NOL10: variants seen among roughly 807,000 people sequenced by gnomAD.
NOL10 encodes nucleolar protein 10, also known as H_NH0074G24.1.
In NOL10, 58 loss-of-function variants were observed where a neutral mutation model predicts 103.5. The ratio of observed to expected loss-of-function variants is 0.56; its 90% CI spans 0.45 to 0.70. The LOEUF (loss-of-function observed/expected upper bound fraction) is 0.70, where lower values mean the gene tolerates loss of function less well. Ranked by LOEUF, NOL10 falls within the 30% of genes least tolerant of loss-of-function variation. The pLI, the probability that NOL10 is intolerant of heterozygous loss-of-function variation, is 0.00. For missense variants in NOL10, 763 were observed against 807.3 expected, an observed-to-expected ratio of 0.95 and a Z score of 0.67; for synonymous variants, 287 against 282.5, an observed-to-expected ratio of 1.02 and a Z score of -0.16.
chr2:10,661,905 T>C (rs1680232551), intron 9 of NOL10, among the ~76,000 whole-genome samples: 1 of 149,210 alleles, frequency 6.7e-6, no homozygotes, highest in Non-Finnish European at 1.5e-5. Flanking sequence ...TAAAAGCAAA[T>C]CGGAAAAAAA....
intron 16 of NOL10, among the ~76,000 whole-genome samples, chr2:10,602,278 C>T (rs1407132516): frequency 6.6e-6 from 1 of 152,220 alleles, no homozygotes; most frequent in Non-Finnish European, 1.5e-5. Context: ...GTTTACCTCT[C>T]TCCTCCATCC....
intron 1 of NOL10, 93 bp downstream of exon 1, chr2:10,689,703 A>C (rs1453138531): frequency 3.1e-6 from 4 of 1,307,306 alleles, no homozygotes; most frequent in Non-Finnish European, 4.3e-6. Context: ...CGTCCAGCTA[A>C]AACAGAGGCT....
intron 3 of NOL10, 106 bp from the exon 4 acceptor site, chr2:10,675,977 T>C (rs1437631003): frequency 1.9e-6 from 1 of 526,564 alleles, no homozygotes; most frequent in African/African-American, 1.9e-5. Flanking sequence ...GGATTAATTG[T>C]AACCAAATCA....
At chr2:10,619,896 A>G (rs1002278241) in intron 13 of NOL10, among the ~76,000 whole-genome samples, 4 of 152,198 alleles carry the variant, frequency 2.6e-5, no homozygotes, top group Non-Finnish European at 5.9e-5. Flanking sequence ...AGACTTTGCA[A>G]TAACAATGAC....
chr2:10,610,332 C>T (rs1676501596), intron 13 of NOL10, among the ~76,000 whole-genome samples: 1 of 152,200 alleles, frequency 6.6e-6, no homozygotes, highest in Admixed American at 6.5e-5. Context: ...TTATAATGTT[C>T]CACAACATTC....
chr2:10,573,839 G>A (rs1241535528), intron 20 of NOL10, among the ~76,000 whole-genome samples: 1 of 152,124 alleles, frequency 6.6e-6, no homozygotes, highest in Non-Finnish European at 1.5e-5. Context: ...CCGTCTCAAA[G>A]GGTCCCACCC....
rs541550200 is a variant in NOL10, at chr2:10,616,428, C to T, written c.1027-9117G>A. On this transcript the variant is annotated intron_variant, in intron 13 of 20. Transcript: ENST00000381685. ...AGAGACGGGGTTTCACCATGTTGGC[C>T]AGGCTATTCTCAAATTCCTGGCCTC... is the stretch of plus-strand genomic sequence containing the variant. Among the ~76,000 whole-genome samples the T allele has an allele frequency of 7.0e-4, 106 of 152,172 alleles. 1 individual carries two copies. Among genetic ancestry groups the T allele is most frequent in the African/African-American group, 2.5e-3 (102 of 41,524 alleles).
chr2:10,616,281 T>G (rs1193777502), intron 13 of NOL10, among the ~76,000 whole-genome samples: 2 of 140,736 alleles, frequency 1.4e-5, no homozygotes, highest in Non-Finnish European at 1.5e-5. Context: ...CAGGTTGGAG[T>G]GCAGTGGTGC....
At chr2:10,650,264 G>A (rs906500374) in intron 12 of NOL10, among the ~76,000 whole-genome samples, 3 of 151,914 alleles carry the variant, frequency 2.0e-5, no homozygotes, top group Admixed American at 6.6e-5. Flanking sequence ...GGGCTCAAGC[G>A]ATCCTCCTGC....
rs772635293 is a variant in NOL10, at chr2:10,654,421, G to A, written c.973+60C>T. ...AGCCTTTTTATTTGTCTCACTGAAC[G>A]TTCACTACAGAATGCATCTTTTTAT... is the stretch of plus-strand genomic sequence containing the variant. On this transcript the variant is annotated intron_variant, in intron 12 of 20. Transcript: ENST00000381685. 5.0e-5 allele frequency: 57 copies of A among 1,146,700 alleles called. No individual in the cohort carries two copies. In the East Asian group the frequency reaches 1.2e-3, roughly 23 times the overall value. The allele number at this position is 1,146,700 out of a possible 1,614,324, so 71.0% of individuals were successfully genotyped here.
intron 19 of NOL10, among the ~76,000 whole-genome samples, chr2:10,584,964 A>ACCC: frequency 6.6e-6 from 1 of 152,290 alleles, no homozygotes; most frequent in East Asian, 1.9e-4. Context: ...GATTAGTCAG[A>ACCC]CCGCCTACCC....
At chr2:10,646,224 A>C (rs1401406605) in intron 12 of NOL10, among the ~76,000 whole-genome samples, 1 of 152,196 alleles carries the variant, frequency 6.6e-6, no homozygotes, top group Admixed American at 6.5e-5. Flanking sequence ...GGACATAATT[A>C]AAGCAGTTCT....
At position 10,575,118 on chromosome 2, in the gene NOL10, G is replaced by C. The variant is rs76726806; in HGVS notation, c.1947+2518C>G. Among the ~76,000 whole-genome samples the C allele has an allele frequency of 5.2e-4, 79 of 152,324 alleles. 2 individuals are homozygous for C. In the East Asian group the frequency reaches 0.014, roughly 26 times the overall value. On this transcript the variant is annotated intron_variant, in intron 20 of 20. Coordinates refer to ENST00000381685, the MANE Select transcript of NOL10 (RefSeq NM_024894.4). ...CTCCAGCACTCCTGTCACAGAGGGAGGAGGAGGACAGGTGCAAACAGGCAC... is the reference window on the plus strand; with the variant it reads ...CTCCAGCACTCCTGTCACAGAGGGACGAGGAGGACAGGTGCAAACAGGCAC...
intron 11 of NOL10, among the ~76,000 whole-genome samples, chr2:10,655,507 G>A (rs1405066243): frequency 1.3e-5 from 2 of 152,122 alleles, no homozygotes; most frequent in Non-Finnish European, 2.9e-5. Context: ...TATTTTAACT[G>A]TTGGGGAAAA....
rs560087112 is a variant in NOL10, at chr2:10,596,700, T to C, written c.1422+4153A>G. ...CCAGACCAGTACCATGGCCTAGGGG[T>C]TGGAGACCCCTGGCCTAGAGATCTC... On this transcript the variant is annotated intron_variant, in intron 17 of 20. Coordinates refer to ENST00000381685, the MANE Select transcript of NOL10 (RefSeq NM_024894.4). Among the ~76,000 whole-genome samples, 5 of 152,134 alleles carry C rather than the reference T, an allele frequency of 3.3e-5. No homozygotes were observed. In the South Asian group the frequency reaches 1.0e-3, roughly 32 times the overall value.
At chr2:10,653,073 G>A (rs541918101) in intron 12 of NOL10, among the ~76,000 whole-genome samples, 43 of 152,076 alleles carry the variant, frequency 2.8e-4, no homozygotes, top group African/African-American at 9.9e-4. Context: ...GTGCGTGCCT[G>A]TAGTCCCATC....
At chr2:10,608,967 C>A (rs954043303) in intron 13 of NOL10, among the ~76,000 whole-genome samples, 1 of 152,060 alleles carries the variant, frequency 6.6e-6, no homozygotes, top group African/African-American at 2.4e-5. Context: ...GACAAACCTT[C>A]AAGAAATGCA....
At chr2:10,672,234 G>A (rs184930846) in intron 5 of NOL10, among the ~76,000 whole-genome samples, 1 of 152,276 alleles carries the variant, frequency 6.6e-6, no homozygotes, top group East Asian at 1.9e-4. Context: ...GGCTGAGGCA[G>A]GAAAATCGCT....
At chr2:10,671,717 T>C in intron 5 of NOL10, 27 bp from the exon 6 acceptor site, 1 of 1,517,960 alleles carries the variant, frequency 6.6e-7, no homozygotes, top group Non-Finnish European at 8.9e-7. Context: ...AAAATTAGTT[T>C]GCTTAGGTTT....
Sources: allele counts gnomAD v4.1 joint callset (sites outside exome capture counted in the v4.1 genomes callset), GRCh38; gene constraint gnomAD v4.1.1; transcripts MANE v1.5; gene names NCBI Gene and HGNC (gene_info 2026-07-23, HGNC 2026-07-21).